The following EEFSEC variants were observed in gnomAD, a reference collection of about 807,000 sequenced individuals.
The protein encoded by EEFSEC is selenocysteine-specific elongation factor.
EEFSEC carries 43 observed loss-of-function variants against 42.1 expected under a neutral mutation model. The ratio of observed to expected loss-of-function variants is 1.02; its 90% CI spans 0.80 to 1.32. The LOEUF (loss-of-function observed/expected upper bound fraction) is 1.32. Ranked by LOEUF, EEFSEC falls within the 40% of genes most tolerant of loss-of-function variation. The pLI is 0.00. For synonymous variants in EEFSEC, 354 were observed against 339.1 expected (o/e 1.04, Z -0.48); for missense variants, 745 against 803.6 (o/e 0.93, Z 0.88).
chr3:128,387,122 C>A (rs1198259189), intron 6 of EEFSEC, among the ~76,000 whole-genome samples: 2 of 152,162 alleles, frequency 1.3e-5, no homozygotes, highest in Non-Finnish European at 2.9e-5. Context: ...CACCAGCCAC[C>A]CTCCTCGGCC....
chr3:128,412,182 T>C (rs1024332166), downstream of EEFSEC, among the ~76,000 whole-genome samples: 6 of 152,216 alleles, frequency 3.9e-5, no homozygotes, highest in Non-Finnish European at 8.8e-5. Context: ...GCAAAGGGCA[T>C]GCAGGTTAGT....
chr3:128,379,982 G>T lies in EEFSEC; in HGVS notation c.1600+21609G>T, dbSNP rs1280616382. Among the ~76,000 whole-genome samples the T allele has an allele frequency of 2.0e-5, 3 of 152,392 alleles. No homozygotes were observed. The East Asian group carries it at 5.8e-4, about 29-fold the overall frequency. ...CATAGTAGGGCCTCGGCCCCTGTGTGTTGGGTGACTGACCTATGGCTTCTG... is the reference window on the plus strand; with the variant it reads ...CATAGTAGGGCCTCGGCCCCTGTGTTTTGGGTGACTGACCTATGGCTTCTG... On this transcript the variant is annotated intron_variant, in intron 6 of 6. Coordinates refer to ENST00000254730, the MANE Select transcript of EEFSEC (RefSeq NM_021937.5).
intron 1 of EEFSEC, among the ~76,000 whole-genome samples, chr3:128,185,577 T>C (rs1218936273): frequency 1.3e-5 from 2 of 152,198 alleles, no homozygotes; most frequent in Non-Finnish European, 2.9e-5. Flanking sequence ...ATTTTCTTTT[T>C]TTGAAATAAG....
At chr3:128,403,960 G>T (rs569112145) in intron 6 of EEFSEC, among the ~76,000 whole-genome samples, 64 of 152,356 alleles carry the variant, frequency 4.2e-4, no homozygotes, top group Non-Finnish European at 5.0e-4. Context: ...CTGGGCCCTG[G>T]TCTGTGCATT....
intron 1 of EEFSEC, among the ~76,000 whole-genome samples, chr3:128,231,223 G>A (rs1219464994): frequency 3.3e-5 from 5 of 152,266 alleles, no homozygotes; most frequent in African/African-American, 7.2e-5. Context: ...CAGCCCAATC[G>A]AGACCTTGAT....
intron 4 of EEFSEC, among the ~76,000 whole-genome samples, chr3:128,282,198 C>T (rs904219122): frequency 2.0e-5 from 3 of 152,228 alleles, no homozygotes; most frequent in African/African-American, 7.2e-5. Context: ...CTTGGTCTAA[C>T]CCTGTGACCC....
At chr3:128,202,115 G>GCCC (rs2065649833) in intron 1 of EEFSEC, among the ~76,000 whole-genome samples, 1 of 152,160 alleles carries the variant, frequency 6.6e-6, no homozygotes. Flanking sequence ...TTGAAGTCAA[G>GCCC]TAGTGTAAGT....
chr3:128,353,425 A>T (rs2067412976), intron 5 of EEFSEC, among the ~76,000 whole-genome samples: 1 of 152,050 alleles, frequency 6.6e-6, no homozygotes, highest in African/African-American at 2.4e-5. Flanking sequence ...TAAGTGCTGC[A>T]TCTTGAGGGC....
chr3:128,272,293 G>C (rs1475219469), intron 4 of EEFSEC, among the ~76,000 whole-genome samples: 2 of 152,222 alleles, frequency 1.3e-5, no homozygotes, highest in Non-Finnish European at 2.9e-5. Flanking sequence ...CCTGGCAGCG[G>C]CTTGTTACCT....
At chr3:128,162,874 G>C (rs2065204971) in intron 1 of EEFSEC, among the ~76,000 whole-genome samples, 1 of 152,184 alleles carries the variant, frequency 6.6e-6, no homozygotes, top group African/African-American at 2.4e-5. Flanking sequence ...ACAGCTTTCG[G>C]TAAAGCTGTA....
intron 4 of EEFSEC, among the ~76,000 whole-genome samples, chr3:128,280,557 C>T (rs2066514947): frequency 6.6e-6 from 1 of 152,184 alleles, no homozygotes; most frequent in Non-Finnish European, 1.5e-5. Flanking sequence ...GAATGGGCCC[C>T]TCCTCCTGGC....
At chr3:128,283,440 T>G (rs1020000720) in intron 4 of EEFSEC, among the ~76,000 whole-genome samples, 1 of 152,222 alleles carries the variant, frequency 6.6e-6, no homozygotes, top group Non-Finnish European at 1.5e-5. Context: ...GCTTGGAAGC[T>G]GTCAGTACTG....
intron 6 of EEFSEC, among the ~76,000 whole-genome samples, chr3:128,400,243 AG>A (rs947617123): frequency 6.6e-6 from 1 of 152,140 alleles, no homozygotes; most frequent in Non-Finnish European, 1.5e-5. Flanking sequence ...CTTGGGGTGG[AG>A]GGGAACTTGA....
At chr3:128,279,133 G>A (rs950596216) in intron 4 of EEFSEC, among the ~76,000 whole-genome samples, 2 of 152,224 alleles carry the variant, frequency 1.3e-5, no homozygotes, top group African/African-American at 2.4e-5. Context: ...CGCAGCTAAT[G>A]TGAACCATAC....
chr3:128,377,233 T>G (rs2067720065), intron 6 of EEFSEC, among the ~76,000 whole-genome samples: 1 of 152,104 alleles, frequency 6.6e-6, no homozygotes, highest in South Asian at 2.1e-4. Flanking sequence ...TCTGATTCTT[T>G]TCAATTAATA....
intron 6 of EEFSEC, among the ~76,000 whole-genome samples, chr3:128,383,330 A>G (rs1343420890): frequency 6.6e-6 from 1 of 152,206 alleles, no homozygotes; most frequent in Non-Finnish European, 1.5e-5. Context: ...AATATGGGGA[A>G]GGTATGCTCA....
chr3:128,407,235 C>T (rs924223845), intron 6 of EEFSEC, among the ~76,000 whole-genome samples: 5 of 152,172 alleles, frequency 3.3e-5, no homozygotes, highest in Non-Finnish European at 7.4e-5. Flanking sequence ...TTTAGTGAGG[C>T]GTGGGCTGGT....
intron 1 of EEFSEC, among the ~76,000 whole-genome samples, chr3:128,217,715 A>G (rs574800989): frequency 6.6e-6 from 1 of 152,306 alleles, no homozygotes; most frequent in South Asian, 2.1e-4. Flanking sequence ...CATGTATATA[A>G]CTTGCCTTGG....
chr3:128,341,991 G>A (rs1002019562), intron 5 of EEFSEC, 102 bp downstream of exon 5: 67 of 1,448,274 alleles, frequency 4.6e-5, no homozygotes, highest in Non-Finnish European at 5.4e-5. Context: ...GGCCCTCAGA[G>A]ACCTTCTGGT....
Sources: gnomAD v4.1 joint callset for allele counts (sites outside exome capture counted in the v4.1 genomes callset) on GRCh38, gnomAD v4.1.1 for gene constraint, MANE v1.5 for transcripts, NCBI Gene and HGNC (gene_info 2026-07-23, HGNC 2026-07-21) for gene names.